The following ERICH6B variants were observed in gnomAD, a reference collection of about 807,000 sequenced individuals.
ERICH6B encodes glutamate-rich protein 6B.
In ERICH6B, 69 loss-of-function variants were observed where a neutral mutation model predicts 80.0. That is an observed-to-expected ratio of 0.86 (90% confidence interval 0.71 to 1.05). The LOEUF is 1.05. Among genes scored for constraint, ERICH6B ranks in the 50% least tolerant of loss-of-function variants. The probability of loss-of-function intolerance (pLI) is 0.00; values close to 1 mark genes in which losing one functional copy is unlikely to be tolerated. For synonymous variants in ERICH6B, 283 were observed against 291.9 expected (o/e 0.97, Z 0.31); for missense variants, 754 against 796.1 (o/e 0.95, Z 0.64).
chr13:45,598,955 T>TA (rs1185988615), intron 2 of ERICH6B, among the ~76,000 whole-genome samples: 1 of 152,144 alleles, frequency 6.6e-6, no homozygotes, highest in African/African-American at 2.4e-5. Flanking sequence ...CAGAGCTCTC[T>TA]AGCAGGCTGA....
chr13:45,586,100 C>T (rs1875887785), intron 5 of ERICH6B, among the ~76,000 whole-genome samples: 3 of 151,996 alleles, frequency 2.0e-5, no homozygotes, highest in South Asian at 4.2e-4. Flanking sequence ...TGAGATGGCT[C>T]CAGTTCTTGG....
intron 2 of ERICH6B, among the ~76,000 whole-genome samples, chr13:45,606,309 GTCATAT>G: frequency 6.6e-6 from 1 of 151,710 alleles, no homozygotes; most frequent in Admixed American, 6.6e-5. Flanking sequence ...TATAACAGAT[GTCATAT>G]TTAATTTCAG....
intron 4 of ERICH6B, 141 bp downstream of exon 4, chr13:45,590,508 G>T: frequency 1.4e-6 from 1 of 732,286 alleles, no homozygotes. Flanking sequence ...GAGCAGGGTT[G>T]TAACTTCCAG....
rs79233543 is a variant in ERICH6B at position 45,550,414 on chromosome 13, C to T, written c.1408-98G>A. ...GTGTGGACCCCATCTGCTTGCTCTC[C>T]GATGCCACGTGCTACCTCATCAACT... On this transcript the variant is annotated intron_variant, in intron 11 of 14. Transcript: ENST00000298738. 1.3e-3 allele frequency: 1,232 copies of T among 937,628 alleles called. 10 individuals carry two copies. In the African/African-American group the frequency reaches 0.018, roughly 14 times the overall value. The allele number at this position is 937,628 out of a possible 1,614,324, so 58.1% of individuals were successfully genotyped here. A position where few individuals can be genotyped will look rare whatever the true frequency, so the allele number is the denominator to read the frequency against.
chr13:45,585,872 G>A (rs1429354356), intron 5 of ERICH6B, among the ~76,000 whole-genome samples: 4 of 152,242 alleles, frequency 2.6e-5, no homozygotes, highest in Admixed American at 6.5e-5. Flanking sequence ...ATTTCAATGG[G>A]GCCCCTCTCG....
In ERICH6B at chr13:45,562,294, G is replaced by A. The variant is rs116903649; in HGVS notation, c.1250-768C>T. 6.9e-3 allele frequency among the ~76,000 whole-genome samples: 1,051 copies of A among 152,270 alleles called. 8 individuals carry two copies. Among genetic ancestry groups the A allele is most frequent in the Non-Finnish European group, 7.1e-3 (480 of 68,024 alleles). On this transcript the variant is annotated intron_variant, in intron 10 of 14. Coordinates refer to ENST00000298738, the MANE Select transcript of ERICH6B (RefSeq NM_182542.3). ...CTGAAAGGATTATCCCGTCTCAGCT[G>A]CCCAAAGTGTTGGGATTATGGGCAT...
chr13:45,597,025 G>A lies in ERICH6B; in HGVS notation c.-20C>T, dbSNP rs2138023626. On this transcript the variant is annotated 5_prime_UTR_variant, in exon 3 of 15. Coordinates refer to ENST00000298738, the MANE Select transcript of ERICH6B (RefSeq NM_182542.3). ...AGACATGCTGGGGAAGTCGTAGGTG[G>A]TGAACTCCTTCTGCAGCAGCCAACG... The A allele has an allele frequency of 6.6e-7, 1 of 1,521,748 alleles. No individual in the cohort carries two copies. The highest frequency in any genetic ancestry group is 8.8e-7 in the Non-Finnish European group (1 of 1,131,084). The allele number at this position is 1,521,748 out of a possible 1,614,324, so 94.3% of individuals were successfully genotyped here.
At position 45,586,758 on chromosome 13, in the gene ERICH6B, C is replaced by T. The variant is rs9562606; in HGVS notation, c.856+305G>A. Reference sequence around the variant, plus strand: ...AAATTGTGCCTGTGTTCATGTAGAACAAGAATAGGAAGACGAATGAAAAAC... The same window carrying T: ...AAATTGTGCCTGTGTTCATGTAGAATAAGAATAGGAAGACGAATGAAAAAC... On this transcript the variant is annotated intron_variant, in intron 5 of 14. Transcript: ENST00000298738. 1.7e-4 allele frequency among the ~76,000 whole-genome samples: 26 copies of T among 152,134 alleles called. No individual in the cohort carries two copies. The East Asian group carries it at 5.0e-3, about 29-fold the overall frequency.
Position 45,614,837 on chromosome 13 carries a change from A to T in ERICH6B, c.-111+848T>A, listed in dbSNP as rs558210704. ...CTGAAGTCTGCTGCTCTCCCCCATG[A>T]GGGGAACAACTGATGACCTACTTCT... On this transcript the variant is annotated intron_variant, in intron 1 of 14. Transcript: ENST00000298738. Among the ~76,000 whole-genome samples the T allele has an allele frequency of 4.7e-4, 71 of 152,368 alleles. 1 individual carries two copies. Among genetic ancestry groups the T allele is most frequent in the African/African-American group, 1.6e-3 (66 of 41,592 alleles).
At chr13:45,543,814 A>G (rs1290936054) in intron 14 of ERICH6B, among the ~76,000 whole-genome samples, 2 of 152,144 alleles carry the variant, frequency 1.3e-5, no homozygotes, top group East Asian at 3.9e-4. Flanking sequence ...CCAGGGGATC[A>G]TCTGTCTAGA....
rs368603575 is a variant in ERICH6B at position 45,597,167 on chromosome 13, G to A, written c.-58-104C>T. 18 of 801,848 alleles carry A rather than the reference G, an allele frequency of 2.2e-5. No homozygotes were observed. In the African/African-American group the frequency reaches 2.8e-4, roughly 12 times the overall value. 49.7% of individuals were successfully genotyped at this position (801,848 alleles called of 1,614,324 possible). A position where few individuals can be genotyped will look rare whatever the true frequency, so the allele number is the denominator to read the frequency against. On this transcript the variant is annotated intron_variant, in intron 2 of 14. Coordinates refer to ENST00000298738, the MANE Select transcript of ERICH6B (RefSeq NM_182542.3). ...TATTTCATTCAGTAGTCTTTGGAGGGCTCTTTAAGTATGCAGATCAGTACA... is the reference window on the plus strand; with the variant it reads ...TATTTCATTCAGTAGTCTTTGGAGGACTCTTTAAGTATGCAGATCAGTACA...
chr13:45,609,920 T>G (rs1326573258), intron 1 of ERICH6B, among the ~76,000 whole-genome samples: 1 of 152,222 alleles, frequency 6.6e-6, no homozygotes, highest in African/African-American at 2.4e-5. Flanking sequence ...CGTCTTGCCT[T>G]TGGCCTTCAA....
intron 9 of ERICH6B, among the ~76,000 whole-genome samples, chr13:45,565,114 T>C (rs1040973828): frequency 2.6e-4 from 39 of 152,118 alleles, no homozygotes; most frequent in African/African-American, 9.2e-4. Flanking sequence ...TGGGATAACG[T>C]ATAGAGATAT....
chr13:45,578,858 C>G (rs148481296), intron 7 of ERICH6B, among the ~76,000 whole-genome samples: 105 of 152,304 alleles, frequency 6.9e-4, no homozygotes, highest in Admixed American at 2.2e-3. Context: ...TTGAGACAAT[C>G]CTGGTCAACA....
chr13:45,592,903 C>T (rs969144618), intron 3 of ERICH6B, among the ~76,000 whole-genome samples: 4 of 152,102 alleles, frequency 2.6e-5, no homozygotes, highest in Non-Finnish European at 5.9e-5. Flanking sequence ...TATTACAACC[C>T]ACTGTGAGAA....
intron 2 of ERICH6B, among the ~76,000 whole-genome samples, chr13:45,601,751 A>C (rs549059231): frequency 6.6e-6 from 1 of 152,308 alleles, no homozygotes; most frequent in South Asian, 2.1e-4. Context: ...CTCTCCCTTT[A>C]ATTCTCTTAG....
chr13:45,606,713 G>A (rs993238526), intron 2 of ERICH6B, among the ~76,000 whole-genome samples: 19 of 150,652 alleles, frequency 1.3e-4, no homozygotes, highest in Non-Finnish European at 2.1e-4. Flanking sequence ...ATCACCATGC[G>A]TGTCTAATTT....
At chr13:45,607,366 G>A (rs1949874113) in intron 2 of ERICH6B, among the ~76,000 whole-genome samples, 198 bp downstream of exon 2, 2 of 152,324 alleles carry the variant, frequency 1.3e-5, no homozygotes, top group African/African-American at 2.4e-5. Flanking sequence ...TGTTCATAAT[G>A]AGAAATGCAA....
chr13:45,574,518 G>A (rs1875299036), intron 8 of ERICH6B, among the ~76,000 whole-genome samples: 1 of 152,132 alleles, frequency 6.6e-6, no homozygotes, highest in Non-Finnish European at 1.5e-5. Flanking sequence ...GTGGTCACAG[G>A]CCTGCAGAGA....
Sources: allele counts gnomAD v4.1 joint callset (sites outside exome capture counted in the v4.1 genomes callset), GRCh38; gene constraint gnomAD v4.1.1; transcripts MANE v1.5; gene names NCBI Gene and HGNC (gene_info 2026-07-23, HGNC 2026-07-21).